The following CADM1 variants were observed in gnomAD, a reference collection of about 807,000 sequenced individuals.
CADM1 encodes TSLC-1.
Under a neutral mutation model 53.1 loss-of-function variants are expected in CADM1, and 15 were observed. The observed-to-expected ratio is 0.28, with a 90% CI of 0.19 to 0.44. The LOEUF (loss-of-function observed/expected upper bound fraction) is 0.44. Ranked by LOEUF, CADM1 falls within the 20% of genes least tolerant of loss-of-function variation. The pLI, the probability that CADM1 is intolerant of heterozygous loss-of-function variation, is 1.00. For missense variants in CADM1, 434 were observed against 611.3 expected (o/e 0.71, Z 3.06); for synonymous variants, 281 against 243.0 (o/e 1.16, Z -1.45).
At chr11:115,489,402 T>A (rs1298038591) in intron 1 of CADM1, among the ~76,000 whole-genome samples, 2 of 152,200 alleles carry the variant, frequency 1.3e-5, no homozygotes, top group African/African-American at 4.8e-5. Context: ...ATATTCTGTA[T>A]CCCAACAACC....
intron 1 of CADM1, among the ~76,000 whole-genome samples, chr11:115,280,697 T>C (rs1443346619): frequency 6.6e-6 from 1 of 152,228 alleles, no homozygotes; most frequent in Non-Finnish European, 1.5e-5. Flanking sequence ...ATCCGTGGTG[T>C]ATCTCCATCA....
At chr11:115,457,642 A>C (rs1237926287) in intron 1 of CADM1, among the ~76,000 whole-genome samples, 1 of 152,152 alleles carries the variant, frequency 6.6e-6, no homozygotes, top group African/African-American at 2.4e-5. Context: ...CACTTACATG[A>C]ATCTAAATGT....
At chr11:115,295,532 A>AT (rs1186493656) in intron 1 of CADM1, among the ~76,000 whole-genome samples, 21 of 84,902 alleles carry the variant, frequency 2.5e-4, no homozygotes, top group African/African-American at 1.3e-3. Flanking sequence ...ATATATATAT[A>AT]TATATATATA....
intron 1 of CADM1, among the ~76,000 whole-genome samples, chr11:115,424,349 T>C (rs1284099719): frequency 1.3e-5 from 2 of 152,104 alleles, no homozygotes; most frequent in Non-Finnish European, 2.9e-5. Flanking sequence ...GGATAACAGG[T>C]GCTATATCAT....
intron 1 of CADM1, among the ~76,000 whole-genome samples, chr11:115,410,343 C>T (rs1947429318): frequency 6.6e-6 from 1 of 152,186 alleles, no homozygotes; most frequent in East Asian, 1.9e-4. Context: ...CCTCATTATT[C>T]CCTCACACTG....
chr11:115,393,301 T>C (rs1946892128), intron 1 of CADM1, among the ~76,000 whole-genome samples: 1 of 151,398 alleles, frequency 6.6e-6, no homozygotes, highest in Admixed American at 6.6e-5. Flanking sequence ...TTTCTCTGAG[T>C]GGTAGGATTA....
chr11:115,209,726 C>A, intron 7 of CADM1, 69 bp from the exon 8 acceptor site: 1 of 1,582,018 alleles, frequency 6.3e-7, no homozygotes, highest in South Asian at 1.1e-5. Flanking sequence ...AATGACAAAA[C>A]AAAGGCATGA....
chr11:115,246,943 G>A (rs896155435), intron 1 of CADM1, among the ~76,000 whole-genome samples: 1 of 152,262 alleles, frequency 6.6e-6, no homozygotes, highest in Non-Finnish European at 1.5e-5. Context: ...CCTCCTCTGT[G>A]CTGGATTTTT....
intron 1 of CADM1, chr11:115,377,665 C>T (rs1288029220): frequency 6.6e-6 from 1 of 152,100 alleles, no homozygotes; most frequent in African/African-American, 2.4e-5. Flanking sequence ...TCTTTAAGTT[C>T]CATTATTCAA....
intron 1 of CADM1, among the ~76,000 whole-genome samples, chr11:115,501,064 C>G (rs933188639): frequency 2.6e-5 from 4 of 152,184 alleles, no homozygotes; most frequent in South Asian, 2.1e-4. Context: ...TTATTCCCCC[C>G]CTTTTTCGTA....
chr11:115,497,437 GTAA>G (rs898309914), intron 1 of CADM1, among the ~76,000 whole-genome samples: 1 of 152,140 alleles, frequency 6.6e-6, no homozygotes, highest in Non-Finnish European at 1.5e-5. Flanking sequence ...TTTCTTTTGA[GTAA>G]TAATAAAGGC....
At chr11:115,221,142 T>C (rs1941390937) in intron 5 of CADM1, among the ~76,000 whole-genome samples, 1 of 152,168 alleles carries the variant, frequency 6.6e-6, no homozygotes, top group African/African-American at 2.4e-5. Context: ...GTGCAATAAC[T>C]GCCCAGAAAT....
At chr11:115,376,621 T>C (rs1946444170) in intron 1 of CADM1, among the ~76,000 whole-genome samples, 1 of 152,180 alleles carries the variant, frequency 6.6e-6, no homozygotes. Context: ...AGTTTACATA[T>C]CAAAGCAGGT....
chr11:115,190,235 T>TCCTC (rs990709674), intron 10 of CADM1, among the ~76,000 whole-genome samples: 1 of 152,152 alleles, frequency 6.6e-6, no homozygotes. Context: ...ACTTTAAATC[T>TCCTC]CCTCCCTCCC....
At chr11:115,432,254 T>C (rs1361448090) in intron 1 of CADM1, among the ~76,000 whole-genome samples, 1 of 152,108 alleles carries the variant, frequency 6.6e-6, no homozygotes, top group Non-Finnish European at 1.5e-5. Flanking sequence ...CCTAAATATA[T>C]TTAATAACTG....
At chr11:115,411,998 GA>G (rs949811254) in intron 1 of CADM1, among the ~76,000 whole-genome samples, 1 of 151,744 alleles carries the variant, frequency 6.6e-6, no homozygotes, top group Non-Finnish European at 1.5e-5. Flanking sequence ...CAGACTTCAA[GA>G]TTTTTTTTTA....
At chr11:115,213,759 T>C (rs1476631923) in intron 7 of CADM1, among the ~76,000 whole-genome samples, 2 of 152,226 alleles carry the variant, frequency 1.3e-5, no homozygotes, top group African/African-American at 4.8e-5. Flanking sequence ...CAAATATTTA[T>C]AACACATTGA....
chr11:115,346,433 A>G (rs530358559), intron 1 of CADM1, among the ~76,000 whole-genome samples: 2 of 152,192 alleles, frequency 1.3e-5, no homozygotes, highest in South Asian at 2.1e-4. Flanking sequence ...GGGTCTTGCT[A>G]TGTTCCCCGG....
chr11:115,364,556 G>A (rs200911724), intron 1 of CADM1, among the ~76,000 whole-genome samples: 8 of 149,636 alleles, frequency 5.3e-5, no homozygotes, highest in African/African-American at 7.4e-5. Context: ...GCACTAGGAA[G>A]AAAAAAAAAA....
Sources: allele counts gnomAD v4.1 joint callset (sites outside exome capture counted in the v4.1 genomes callset), GRCh38; gene constraint gnomAD v4.1.1; transcripts MANE v1.5; gene names NCBI Gene and HGNC (gene_info 2026-07-23, HGNC 2026-07-21).